PLCB2: variants seen among roughly 807,000 people sequenced by gnomAD.
PLCB2 encodes the protein phospholipase C beta 2, also known as 1-phosphatidylinositol 4,5-bisphosphate phosphodiesterase beta-2.
A neutral mutation model predicts 141.7 loss-of-function variants in PLCB2; 115 were observed. That is an observed-to-expected ratio of 0.81 (90% CI 0.70 to 0.95). PLCB2 has a LOEUF of 0.95. PLCB2 is among the 40% of genes least tolerant of loss of function. The pLI, the probability that PLCB2 is intolerant of heterozygous loss-of-function variation, is 0.00. For synonymous variants in PLCB2, 603 were observed against 595.6 expected (o/e 1.01, Z -0.18); for missense variants, 1,403 against 1,541.1 (o/e 0.91, Z 1.50).
chr15:40,293,783 C>A, intron 19 of PLCB2, 59 bp from the exon 20 acceptor site: 1 of 1,565,324 alleles, frequency 6.4e-7, no homozygotes, highest in South Asian at 1.1e-5. Flanking sequence ...CTTCCCCAAG[C>A]ATCTGGGGCC....
Position 40,302,179 on chromosome 15 carries a change from G to A in PLCB2, c.463C>T (p.Leu155Phe), listed in dbSNP as rs1245910908. Reference protein sequence around the residue: ...STFLDKILVKLKMQLNSEGKI... With the variant: ...STFLDKILVKFKMQLNSEGKI... ...CCTTCAGAGTTGAGCTGCATCTTGA[G>A]CTTCACAAGGCTGGGGGCAGAAAGC... Residue 155 changes from leucine (L) to phenylalanine (F), a missense_variant, in exon 6 of 32, where the codon CTC becomes TTC. Physicochemically the swap from Leu to Phe is conservative, Grantham distance 22 (BLOSUM62 0). Coordinates refer to ENST00000260402, the MANE Select transcript of PLCB2 (RefSeq NM_004573.3). The A allele has an allele frequency of 1.9e-6, 3 of 1,612,176 alleles. No homozygotes were observed. Among genetic ancestry groups the A allele is most frequent in the Non-Finnish European group, 2.5e-6 (3 of 1,178,814 alleles).
Position 40,297,878 on chromosome 15 carries a change from A to G in PLCB2, c.1237T>C (p.Ser413Pro). 2 of 1,612,094 alleles carry G rather than the reference A, an allele frequency of 1.2e-6. No homozygotes were observed. Among genetic ancestry groups the G allele is most frequent in the Non-Finnish European group, 8.5e-7 (1 of 1,178,202 alleles). The change falls in exon 12 of 32, where the codon TCA becomes CCA. Residue 413 changes from serine (S) to proline (P), a missense_variant and splice_region_variant. Coordinates refer to ENST00000260402, the MANE Select transcript of PLCB2 (RefSeq NM_004573.3). The surrounding 1 kb of genome is among the most constrained non-coding windows in gnomAD (Gnocchi z 4.2). Reference protein sequence around the residue: ...IILSFENHVDSPRQQAKMAEY... With the variant: ...IILSFENHVDPPRQQAKMAEY... Reference sequence around the variant, plus strand: ...GGCTGAATGGGCCTGGATACGCACGAGTCCACATGGTTCTCAAACGACAGG... The same window carrying G: ...GGCTGAATGGGCCTGGATACGCACGGGTCCACATGGTTCTCAAACGACAGG...
intron 7 of PLCB2, chr15:40,301,659 C>T (rs1299092046): frequency 1.4e-5 from 10 of 702,936 alleles, no homozygotes; most frequent in Non-Finnish European, 2.1e-5. Flanking sequence ...ACTGGGAATG[C>T]ATGCCGTTTC....
Position 40,298,853 on chromosome 15 carries a change from G to A in PLCB2, c.795C>T (p.Asp265=). The A allele has an allele frequency of 1.4e-5, 23 of 1,613,686 alleles. No individual in the cohort carries two copies. Among genetic ancestry groups the A allele is most frequent in the Non-Finnish European group, 1.9e-5 (23 of 1,180,010 alleles). The change falls in exon 9 of 32, where the codon GAC becomes GAT. Residue 265 remains aspartate, a synonymous_variant. Coordinates refer to ENST00000260402, the MANE Select transcript of PLCB2 (RefSeq NM_004573.3). ...ACTTGTCGATGAGGCCCTGCACCTG[G>A]TCAGGCCGTGCTGGCGGGAACAGCA... ...NSLLFPPARP[D]QVQGLIDKYE...
downstream of PLCB2, chr15:40,285,625 A>C: frequency 2.0e-6 from 2 of 985,328 alleles, no homozygotes; most frequent in Non-Finnish European, 2.4e-6. Flanking sequence ...GTAACTGGGC[A>C]GGAATGCTCT....
At chr15:40,289,125 C>T in intron 31 of PLCB2, 147 bp downstream of exon 31, 1 of 1,006,756 alleles carries the variant, frequency 9.9e-7, no homozygotes, top group Middle Eastern at 3.0e-4. Context: ...TGCAGAGCTG[C>T]CTCATTTGAA....
At chr15:40,298,504 G>C in intron 10 of PLCB2, 58 bp downstream of exon 10, 1 of 1,610,306 alleles carries the variant, frequency 6.2e-7, no homozygotes, top group Non-Finnish European at 8.5e-7. Context: ...AACCCCTGTG[G>C]AGGATGCAGG....
At chr15:40,306,364 T>G (rs536597233) in intron 1 of PLCB2, among the ~76,000 whole-genome samples, 2 of 152,236 alleles carry the variant, frequency 1.3e-5, no homozygotes, top group African/African-American at 4.8e-5. Context: ...GGTACACAGG[T>G]GCCAGCTTAG....
At position 40,296,650 on chromosome 15, in the gene PLCB2, C is replaced by G. The variant is rs990034313; in HGVS notation, c.1487-16G>C. 1.1e-5 allele frequency: 18 copies of G among 1,612,674 alleles called. No individual in the cohort carries two copies. The East Asian group carries it at 3.3e-4, about 30-fold the overall frequency. ...CCAGCCCACACTGCCACATACAGCT[C>G]TGTCGGCACTGGCTCCTGCATGGCT... On this transcript the variant is annotated splice_polypyrimidine_tract_variant and intron_variant, in intron 14 of 31. Coordinates refer to ENST00000260402, the MANE Select transcript of PLCB2 (RefSeq NM_004573.3).
At chr15:40,307,525 G>A in intron 1 of PLCB2, 64 bp downstream of exon 1, 1 of 1,063,502 alleles carries the variant, frequency 9.4e-7, no homozygotes, top group Non-Finnish European at 1.4e-6. Context: ...CCCAAGCAAA[G>A]CCCCGTAGCA....
At chr15:40,284,534 G>T (rs1194563215), downstream of PLCB2, 1 of 455,292 alleles carries the variant, frequency 2.2e-6, no homozygotes, top group South Asian at 1.6e-5. Flanking sequence ...GGATCTGGCT[G>T]CAAAAGAAAG....
chr15:40,294,720 C>T (rs1330912610), intron 18 of PLCB2, among the ~76,000 whole-genome samples: 4 of 152,162 alleles, frequency 2.6e-5, no homozygotes, highest in African/African-American at 9.7e-5. Context: ...GAACCCACGC[C>T]GGCAGCCTGG....
rs907599009 is a variant in PLCB2 at position 40,292,913 on chromosome 15, C to T, written c.2326+13G>A. On this transcript the variant is annotated intron_variant, in intron 21 of 31. Transcript: ENST00000260402. The stretch of plus-strand genomic sequence containing the variant: ...CTGCTGATCTTGGAACAGTGAAGGA[C>T]CCCACTCCTTACCAGAATTTAGGGC... 52 of 1,539,002 alleles carry T rather than the reference C, an allele frequency of 3.4e-5. No homozygotes were observed. The highest frequency in any genetic ancestry group is 1.7e-4 in the Middle Eastern group (1 of 5,894).
In PLCB2 at chr15:40,294,320, G is replaced by A; in HGVS notation, c.2007C>T (p.Asn669=). 2 of 1,614,182 alleles carry A rather than the reference G, an allele frequency of 1.2e-6. No individual in the cohort carries two copies. Among genetic ancestry groups the A allele is most frequent in the African/African-American group, 1.3e-5 (1 of 75,070 alleles). The change falls in exon 19 of 32, where the codon AAC becomes AAT. Residue 669 remains asparagine, a synonymous_variant. Transcript: ENST00000260402. ...CGTCGATGCGGTCCACTGAGAAGGGGTTGAACTGCTTGTCCGGCCGGCGCA... is the reference window on the plus strand; with the variant it reads ...CGTCGATGCGGTCCACTGAGAAGGGATTGAACTGCTTGTCCGGCCGGCGCA... ...EFMRRPDKQF[N]PFSVDRIDVV...
intron 30 of PLCB2, 150 bp from the exon 31 acceptor site, chr15:40,289,508 A>G (rs1286843738): frequency 9.3e-6 from 6 of 646,932 alleles, no homozygotes; most frequent in African/African-American, 9.0e-5. Context: ...TAAGGATAGC[A>G]GCACCTGTCT....
chr15:40,301,513 C>T (rs747734494), intron 7 of PLCB2: 2 of 702,714 alleles, frequency 2.8e-6, no homozygotes, highest in South Asian at 1.5e-5. Flanking sequence ...TGGCAGCTTC[C>T]GCCTTTGGTT....
At chr15:40,301,537 T>G (rs2040506010) in intron 7 of PLCB2, 1 of 702,964 alleles carries the variant, frequency 1.4e-6, no homozygotes, top group Non-Finnish European at 2.6e-6. Context: ...TTCCTCTCCC[T>G]CGACACGCTG....
intron 1 of PLCB2, among the ~76,000 whole-genome samples, 154 bp downstream of exon 1, chr15:40,307,435 T>C (rs1035592779): frequency 6.6e-6 from 1 of 152,082 alleles, no homozygotes; most frequent in Non-Finnish European, 1.5e-5. Flanking sequence ...CCCAGGTTTG[T>C]TTATCCAAGC....
intron 7 of PLCB2, 62 bp downstream of exon 7, chr15:40,301,895 C>G: frequency 6.8e-7 from 1 of 1,480,164 alleles, no homozygotes; most frequent in Non-Finnish European, 9.4e-7. Flanking sequence ...CATTCCTGGC[C>G]AAGTTGCTTT....
Sources: gnomAD v4.1 joint callset for allele counts (sites outside exome capture counted in the v4.1 genomes callset) on GRCh38, gnomAD v4.1.1 for gene constraint, Gnocchi (gnomAD v3.1) non-coding constraint, MANE v1.5 for transcripts, NCBI Gene and HGNC (gene_info 2026-07-23, HGNC 2026-07-21) for gene names.